TULP4: variants seen among roughly 807,000 people sequenced by gnomAD.
TULP4 encodes the protein tubby-related protein 4.
A neutral mutation model predicts 129.0 loss-of-function variants in TULP4; 16 were observed. The observed-to-expected ratio is 0.12, with a 90% CI of 0.08 to 0.19. TULP4 has a LOEUF of 0.19. Ranked by LOEUF, TULP4 falls within the 10% of genes least tolerant of loss-of-function variation. The pLI is 1.00. For missense variants in TULP4, 1,842 were observed against 2,059.1 expected (o/e 0.89, Z 2.04); for synonymous variants, 998 against 854.0 (o/e 1.17, Z -2.94).
intron 3 of TULP4, among the ~76,000 whole-genome samples, chr6:158,435,142 C>T (rs1481054334): frequency 6.6e-6 from 1 of 152,208 alleles, no homozygotes; most frequent in African/African-American, 2.4e-5. Flanking sequence ...TTTTTTAAAT[C>T]ATCTTAAGAC....
At chr6:158,378,485 T>TTTTTTTTTTTTGG (rs1554285635) in intron 1 of TULP4, among the ~76,000 whole-genome samples, 1 of 51,288 alleles carries the variant, frequency 1.9e-5, no homozygotes, top group African/African-American at 7.7e-5. Context: ...TTTTTTTTTT[T>TTTTTTTTTTTTGG]GGTGGGGGTG....
intron 1 of TULP4, among the ~76,000 whole-genome samples, chr6:158,234,150 G>C (rs761479019): frequency 6.6e-6 from 1 of 152,208 alleles, no homozygotes; most frequent in South Asian, 2.1e-4. Context: ...AAGAGTTTGT[G>C]TGTATAAATC....
At chr6:158,504,293 C>T (rs1008662855) in intron 13 of TULP4, 115 bp downstream of exon 13, 2 of 827,410 alleles carry the variant, frequency 2.4e-6, no homozygotes, top group African/African-American at 3.5e-5. Context: ...ACAACGAACA[C>T]CTCTTAGGTG....
chr6:158,396,963 A>G (rs1315268552), intron 1 of TULP4, among the ~76,000 whole-genome samples: 1 of 152,198 alleles, frequency 6.6e-6, no homozygotes, highest in African/African-American at 2.4e-5. Flanking sequence ...GATGTGGGGA[A>G]GTGGATCATG....
intron 3 of TULP4, among the ~76,000 whole-genome samples, chr6:158,430,245 A>T (rs1778597804): frequency 6.6e-6 from 1 of 152,188 alleles, no homozygotes; most frequent in African/African-American, 2.4e-5. Flanking sequence ...GATGTTTGGT[A>T]TATTGCTACA....
rs776445709 is a variant in TULP4, at chr6:158,501,682, A to G, written c.2019A>G (p.Thr673=). The G allele has an allele frequency of 5.6e-6, 9 of 1,602,694 alleles. No homozygotes were observed. The South Asian group carries it at 8.8e-5, about 16-fold the overall frequency. The change falls in exon 13 of 14, where the codon ACA becomes ACG. Residue 673 remains threonine (T), a synonymous_variant. Transcript: ENST00000367097. The part of the protein sequence containing the change: ...FSEDEDDLPV[T]GASGVPENSP... Reference sequence around the variant, plus strand: ...CTTTTTCTAATTTTCTTCCAGTGACAGGAGCATCTGGTGTCCCTGAGAACA... The same window carrying G: ...CTTTTTCTAATTTTCTTCCAGTGACGGGAGCATCTGGTGTCCCTGAGAACA...
chr6:158,466,495 T>A (rs1779557600), intron 6 of TULP4, among the ~76,000 whole-genome samples: 1 of 152,228 alleles, frequency 6.6e-6, no homozygotes, highest in African/African-American at 2.4e-5. Flanking sequence ...GTATCTTCTT[T>A]TGAGAAATGT....
Position 158,312,640 on chromosome 6 carries a change from T to C in TULP4, c.-1377T>C, listed in dbSNP as rs1779384108. On this transcript the variant is annotated 5_prime_UTR_variant, in exon 1 of 14. Transcript: ENST00000367097. ...AATAATGAACTGATTCCTTTGCCTATCTTAATTAACTGTATTTGAGAAATT... is the reference window on the plus strand; with the variant it reads ...AATAATGAACTGATTCCTTTGCCTACCTTAATTAACTGTATTTGAGAAATT... 1 of 152,482 alleles carries C rather than the reference T, an allele frequency of 6.6e-6. No individual in the cohort carries two copies. Among genetic ancestry groups the C allele is most frequent in the East Asian group, 1.9e-4 (1 of 5,210 alleles). The allele number at this position is 152,482 out of a possible 1,614,324, so 9.4% of individuals were successfully genotyped here.
At chr6:158,236,946 G>A (rs1777722823) in intron 1 of TULP4, among the ~76,000 whole-genome samples, 1 of 151,554 alleles carries the variant, frequency 6.6e-6, no homozygotes, top group Non-Finnish European at 1.5e-5. Context: ...GAGTAGCTGG[G>A]ACTACAGGTG....
intron 3 of TULP4, among the ~76,000 whole-genome samples, chr6:158,444,046 C>A (rs111986376): frequency 2.0e-5 from 3 of 151,098 alleles, no homozygotes; most frequent in African/African-American, 7.3e-5. Flanking sequence ...GGTGAAACCC[C>A]GTCTCTACTA....
chr6:158,447,396 G>C (rs528717871), intron 3 of TULP4, among the ~76,000 whole-genome samples: 14 of 152,062 alleles, frequency 9.2e-5, no homozygotes, highest in Non-Finnish European at 1.3e-4. Flanking sequence ...TAATTGCTGC[G>C]TCTGGAGGCA....
chr6:158,422,731 G>T, intron 2 of TULP4, among the ~76,000 whole-genome samples: 1 of 152,232 alleles, frequency 6.6e-6, no homozygotes, highest in African/African-American at 2.4e-5. Flanking sequence ...GGCGATGTCA[G>T]ATTTGCATAG....
At position 158,246,707 on chromosome 6, in the gene TULP4, A is replaced by G. The variant is rs570807008; in HGVS notation, n.68+14404A>G. 1.2e-4 allele frequency among the ~76,000 whole-genome samples: 19 copies of G among 152,322 alleles called. No individual in the cohort carries two copies. In the South Asian group the frequency reaches 3.7e-3, roughly 30 times the overall value. On this transcript the variant is annotated intron_variant and non_coding_transcript_variant, in intron 1 of 1. Coordinates refer to the TULP4 transcript ENST00000620026. ...AAAATTTTGAATTCATGGATTTAAA[A>G]ATTTATGCCCTTTTTCCTTTTAAAT...
intron 3 of TULP4, among the ~76,000 whole-genome samples, chr6:158,441,676 C>G (rs925278833): frequency 2.0e-5 from 3 of 152,198 alleles, no homozygotes; most frequent in Non-Finnish European, 2.9e-5. Context: ...TCTGGTCAGG[C>G]CTCTCTGGGC....
intron 1 of TULP4, among the ~76,000 whole-genome samples, chr6:158,411,342 A>G (rs1169571018): frequency 6.6e-6 from 1 of 152,140 alleles, no homozygotes; most frequent in Non-Finnish European, 1.5e-5. Flanking sequence ...GGTGTTCACA[A>G]GCTGATAGTT....
intron 1 of TULP4, among the ~76,000 whole-genome samples, chr6:158,367,282 A>G (rs773207044): frequency 1.3e-5 from 2 of 152,318 alleles, no homozygotes; most frequent in East Asian, 3.9e-4. Context: ...AGCTATTTTA[A>G]TGTGGCCCAG....
intron 3 of TULP4, among the ~76,000 whole-genome samples, chr6:158,431,348 G>C (rs1414249636): frequency 6.6e-6 from 1 of 152,134 alleles, no homozygotes; most frequent in Non-Finnish European, 1.5e-5. Flanking sequence ...TAAAAATCCA[G>C]GAGTGGATGT....
upstream of TULP4, among the ~76,000 whole-genome samples, chr6:158,311,174 T>A (rs187397658): frequency 1.3e-5 from 2 of 152,318 alleles, no homozygotes; most frequent in East Asian, 3.9e-4. Context: ...TCTCAAAGCC[T>A]GGTTCCCTGC....
At chr6:158,408,580 C>T (rs9364489) in intron 1 of TULP4, among the ~76,000 whole-genome samples, 1 of 152,030 alleles carries the variant, frequency 6.6e-6, no homozygotes, top group Non-Finnish European at 1.5e-5. Context: ...CCATGGCTTG[C>T]GTCAAGCAGA....
Sources: gnomAD v4.1 joint callset for allele counts (sites outside exome capture counted in the v4.1 genomes callset) on GRCh38, gnomAD v4.1.1 for gene constraint, MANE v1.5 for transcripts, NCBI Gene and HGNC (gene_info 2026-07-23, HGNC 2026-07-21) for gene names.